The following TCF7L2 variants were observed in gnomAD, a reference collection of about 807,000 sequenced individuals.
The protein encoded by TCF7L2 is transcription factor 7-like 2.
A neutral mutation model predicts 77.9 loss-of-function variants in TCF7L2; 23 were observed. The observed-to-expected ratio is 0.30, with a 90% confidence interval of 0.21 to 0.42. TCF7L2 has a LOEUF of 0.42. Ranked by LOEUF, TCF7L2 falls within the 10% of genes least tolerant of loss-of-function variation. The probability of loss-of-function intolerance (pLI) is 1.00; values close to 1 mark genes in which losing one functional copy is unlikely to be tolerated. For missense variants in TCF7L2, 654 were observed against 793.1 expected, an observed-to-expected ratio of 0.82 and a Z score of 2.11; for synonymous variants, 413 against 340.2, an observed-to-expected ratio of 1.21 and a Z score of -2.36.
chr10:112,958,620 G>A (rs139711557), intron 3 of TCF7L2, among the ~76,000 whole-genome samples: 19 of 151,992 alleles, frequency 1.3e-4, no homozygotes, highest in African/African-American at 2.7e-4. Context: ...AAAGAGTGAC[G>A]CTATAAATAT....
At chr10:113,082,757 C>T (rs1403785793) in intron 5 of TCF7L2, among the ~76,000 whole-genome samples, 1 of 152,092 alleles carries the variant, frequency 6.6e-6, no homozygotes, top group African/African-American at 2.4e-5. Flanking sequence ...AAGGTCCTAA[C>T]AAACCCGCCC....
chr10:113,138,699 A>G (rs1309531519), intron 5 of TCF7L2, among the ~76,000 whole-genome samples: 1 of 152,146 alleles, frequency 6.6e-6, no homozygotes, highest in Non-Finnish European at 1.5e-5. Context: ...TGGGTTCCTT[A>G]AGAACTAGGA....
At chr10:112,979,360 TGCCCATTCCGG>T (rs372818810) in intron 4 of TCF7L2, among the ~76,000 whole-genome samples, 39 of 152,196 alleles carry the variant, frequency 2.6e-4, no homozygotes, top group African/African-American at 8.4e-4. Flanking sequence ...GCACATTGAG[TGCCCATTCCGG>T]GCACATCTTT....
At chr10:113,050,931 C>T (rs2054311183) in intron 5 of TCF7L2, among the ~76,000 whole-genome samples, 1 of 152,154 alleles carries the variant, frequency 6.6e-6, no homozygotes, top group Admixed American at 6.5e-5. Context: ...AGGTGCTGAA[C>T]TCCCAGCATA....
At chr10:113,068,276 A>G (rs2057512795) in intron 5 of TCF7L2, among the ~76,000 whole-genome samples, 1 of 152,210 alleles carries the variant, frequency 6.6e-6, no homozygotes, top group South Asian at 2.1e-4. Flanking sequence ...TTGGACAAAA[A>G]GGCTGCTGGA....
intron 5 of TCF7L2, among the ~76,000 whole-genome samples, chr10:113,134,770 A>G (rs2067152405): frequency 6.6e-6 from 1 of 152,198 alleles, no homozygotes; most frequent in South Asian, 2.1e-4. Context: ...TCCCTTCCTG[A>G]TGCTGATTTC....
chr10:113,111,214 A>G (rs140690739), intron 5 of TCF7L2, among the ~76,000 whole-genome samples: 2 of 152,300 alleles, frequency 1.3e-5, no homozygotes, highest in African/African-American at 4.8e-5. Context: ...AGGAAATTAT[A>G]CCATCAAGGT....
intron 4 of TCF7L2, among the ~76,000 whole-genome samples, chr10:112,977,723 G>A (rs987062901): frequency 3.9e-5 from 6 of 152,144 alleles, no homozygotes; most frequent in Non-Finnish European, 8.8e-5. Context: ...TATGAGTGTT[G>A]GTGAACATTA....
chr10:113,117,473 A>G (rs2064006834), intron 5 of TCF7L2, among the ~76,000 whole-genome samples: 1 of 139,514 alleles, frequency 7.2e-6, no homozygotes, highest in African/African-American at 2.7e-5. Context: ...CCCCCAACAA[A>G]TATAGCTAAC....
intron 4 of TCF7L2, among the ~76,000 whole-genome samples, chr10:112,967,032 T>A (rs887752386): frequency 5.1e-5 from 7 of 137,590 alleles, no homozygotes; most frequent in Non-Finnish European, 9.0e-5. Flanking sequence ...TTTAGTTTGA[T>A]CCTCAAAGGA....
intron 5 of TCF7L2, among the ~76,000 whole-genome samples, chr10:113,074,825 G>A (rs1169640566): frequency 6.6e-6 from 1 of 151,882 alleles, no homozygotes; most frequent in African/African-American, 2.4e-5. Flanking sequence ...AGTGTTGGTT[G>A]TAACAGCTGG....
chr10:113,052,015 G>T (rs1050779004), intron 5 of TCF7L2, among the ~76,000 whole-genome samples: 10 of 152,142 alleles, frequency 6.6e-5, no homozygotes, highest in African/African-American at 2.4e-4. Context: ...ATTACTAGAA[G>T]CATTATTTTT....
chr10:112,974,094 G>T (rs1041074928), intron 4 of TCF7L2, among the ~76,000 whole-genome samples: 5 of 152,156 alleles, frequency 3.3e-5, no homozygotes, highest in African/African-American at 9.7e-5. Context: ...TCCAGGAGAG[G>T]TTATCATCTT....
intron 4 of TCF7L2, among the ~76,000 whole-genome samples, chr10:113,027,470 T>G (rs1344869281): frequency 6.6e-6 from 1 of 152,200 alleles, no homozygotes; most frequent in Non-Finnish European, 1.5e-5. Context: ...TCACCCACTT[T>G]GATGATAATA....
intron 5 of TCF7L2, among the ~76,000 whole-genome samples, chr10:113,060,012 C>T (rs950879922): frequency 1.3e-5 from 2 of 152,068 alleles, no homozygotes; most frequent in Admixed American, 6.6e-5. Context: ...ATTATCCGCC[C>T]CCGGTGGATA....
At chr10:112,992,059 C>T (rs778972304) in intron 4 of TCF7L2, among the ~76,000 whole-genome samples, 4 of 152,178 alleles carry the variant, frequency 2.6e-5, no homozygotes, top group Non-Finnish European at 4.4e-5. Context: ...CATGTCTGAA[C>T]AAGAGCTCCG....
At chr10:112,957,070 G>A (rs143903427) in intron 3 of TCF7L2, among the ~76,000 whole-genome samples, 2 of 152,046 alleles carry the variant, frequency 1.3e-5, no homozygotes, top group Non-Finnish European at 2.9e-5. Flanking sequence ...AATTCAGTGG[G>A]GGCTCTGCAC....
chr10:112,987,394 G>A (rs2041737616), intron 4 of TCF7L2: 1 of 150,952 alleles, frequency 6.6e-6, no homozygotes, highest in African/African-American at 2.5e-5. Context: ...GCCACTTCTG[G>A]GGAGCTTCCA....
At chr10:113,089,374 C>G (rs1354293703) in intron 5 of TCF7L2, 19 of 1,609,412 alleles carry the variant, frequency 1.2e-5, no homozygotes, top group Admixed American at 3.4e-5. Context: ...GAGCCTTACT[C>G]TGTTCCCCTT....
Sources: gnomAD v4.1 joint callset for allele counts (sites outside exome capture counted in the v4.1 genomes callset) on GRCh38, gnomAD v4.1.1 for gene constraint, MANE v1.5 for transcripts, NCBI Gene and HGNC (gene_info 2026-07-23, HGNC 2026-07-21) for gene names.